NFATC1: variants seen among roughly 807,000 people sequenced by gnomAD.
NFATC1 encodes nuclear factor of activated T-cells, cytoplasmic 1.
In NFATC1, 22 loss-of-function variants were observed where a neutral mutation model predicts 76.0. That is an observed-to-expected ratio of 0.29 (90% confidence interval 0.21 to 0.41). The LOEUF (loss-of-function observed/expected upper bound fraction) is 0.41. Among genes scored for constraint, NFATC1 ranks in the 10% least tolerant of loss-of-function variants. The probability of loss-of-function intolerance (pLI) is 1.00; values close to 1 mark genes in which losing one functional copy is unlikely to be tolerated. For synonymous variants in NFATC1, 704 were observed against 613.1 expected (o/e 1.15, Z -2.19); for missense variants, 1,357 against 1,337.7 (o/e 1.01, Z -0.23).
At chr18:79,526,656 T>A (rs904915407) in intron 9 of NFATC1, among the ~76,000 whole-genome samples, 1 of 152,240 alleles carries the variant, frequency 6.6e-6, no homozygotes, top group Non-Finnish European at 1.5e-5. Context: ...ATGACACAAT[T>A]CCTGGTTCTC....
rs915817941 is a variant in NFATC1 at position 79,488,078 on chromosome 18, A to AG, written c.2782+1148dup. 4.6e-3 allele frequency among the ~76,000 whole-genome samples: 588 copies of AG among 126,516 alleles called. 18 individuals carry two copies. The highest frequency in any genetic ancestry group is 5.6e-4 in the Non-Finnish European group (38 of 67,710). The allele number at this position is 126,516 out of a possible 152,430, so 83.0% of individuals were successfully genotyped here. A position where few individuals can be genotyped will look rare whatever the true frequency, so the allele number is the denominator to read the frequency against. The stretch of plus-strand genomic sequence containing the variant: ...GGGCGGCATTAGCCCCTCCTGACCC[A>AG]GGGGGGGCAGGGACTCCCGGGCGTC... On this transcript the variant is annotated intron_variant, in intron 9 of 9. Coordinates refer to ENST00000427363, the MANE Select transcript of NFATC1 (RefSeq NM_001278669.2).
At chr18:79,493,281 C>G (rs932291606) in intron 9 of NFATC1, 10 of 152,260 alleles carry the variant, frequency 6.6e-5, no homozygotes, top group African/African-American at 2.4e-4. Context: ...GCCACGCGCT[C>G]GCGCGCTGAG....
At position 79,410,987 on chromosome 18, in the gene NFATC1, C is replaced by T. The variant is rs781729756; in HGVS notation, c.712C>T (p.Pro238Ser). 6 of 1,606,554 alleles carry T rather than the reference C, an allele frequency of 3.7e-6. No individual in the cohort carries two copies. The highest frequency in any genetic ancestry group is 3.3e-4 in the Middle Eastern group (2 of 6,054). Residue 238 changes from proline to serine, a missense_variant, in exon 2 of 10, where the codon CCC (proline) becomes TCC (serine). This residue lies in a region of NFATC1 where 691 missense variants were observed against 613.1 expected (regional missense o/e 1.13). Transcript: ENST00000427363. The surrounding 1 kb of genome is among the most constrained non-coding windows in gnomAD (Gnocchi z 6.7). Reference protein sequence around the residue: ...CTLLGSPRHSPSTSPRASVTE... With the variant: ...CTLLGSPRHSSSTSPRASVTE... ...ACTGCTGGGTTCCCCGCGGCACTCC[C>T]CCTCCACCTCGCCCCGCGCCAGCGT...
chr18:79,419,880 C>T (rs1486994864), intron 2 of NFATC1, among the ~76,000 whole-genome samples: 1 of 152,236 alleles, frequency 6.6e-6, no homozygotes, highest in Non-Finnish European at 1.5e-5. Context: ...TATTCACATT[C>T]AAAACCAGAT....
At chr18:79,473,898 C>T (rs1174140153) in intron 8 of NFATC1, among the ~76,000 whole-genome samples, 15 of 143,786 alleles carry the variant, frequency 1.0e-4, no homozygotes, top group South Asian at 6.8e-4. Context: ...CACTCACTGT[C>T]GACGTTGTGA....
intron 9 of NFATC1, among the ~76,000 whole-genome samples, chr18:79,515,031 G>A (rs1472613280): frequency 6.6e-6 from 1 of 151,838 alleles, no homozygotes; most frequent in Non-Finnish European, 1.5e-5. Flanking sequence ...GCAACAGACA[G>A]AGCAAGACGC....
At chr18:79,414,313 G>C (rs966563996) in intron 2 of NFATC1, among the ~76,000 whole-genome samples, 1 of 152,158 alleles carries the variant, frequency 6.6e-6, no homozygotes, top group South Asian at 2.1e-4. Context: ...GAGAATGCAC[G>C]ACATGCCCAT....
intron 9 of NFATC1, chr18:79,527,153 C>T (rs1219058795): frequency 5.4e-6 from 1 of 184,804 alleles, no homozygotes; most frequent in Non-Finnish European, 1.1e-5. Flanking sequence ...GAGGGAGGCT[C>T]AGGCGACACT....
chr18:79,515,338 CAAA>C lies in NFATC1; in HGVS notation c.2783-12172_2783-12170del, dbSNP rs75194540. Among the ~76,000 whole-genome samples the C allele has an allele frequency of 9.5e-4, 60 of 63,472 alleles. No individual in the cohort carries two copies. In the East Asian group the frequency reaches 0.013, roughly 13 times the overall value. 41.6% of individuals were successfully genotyped at this position (63,472 alleles called of 152,430 possible). On this transcript the variant is annotated intron_variant, in intron 9 of 9. Transcript: ENST00000427363. ...TGGGTGACAGAGCAAGACTCCATCTCAAAAAAAAAAAAAAAAAAAAGAAGGAAG... is the reference window on the plus strand; with the variant it reads ...TGGGTGACAGAGCAAGACTCCATCTCAAAAAAAAAAAAAAAAAGAAGGAAG...
chr18:79,457,814 C>A (rs918134458), intron 6 of NFATC1, among the ~76,000 whole-genome samples: 1 of 152,186 alleles, frequency 6.6e-6, no homozygotes, highest in Non-Finnish European at 1.5e-5. Flanking sequence ...CCCCATCCTG[C>A]CGGCTGTGGT....
At chr18:79,458,791 T>C (rs1008604667) in intron 6 of NFATC1, among the ~76,000 whole-genome samples, 7 of 152,242 alleles carry the variant, frequency 4.6e-5, no homozygotes, top group African/African-American at 1.7e-4. Flanking sequence ...ATGGCGATGC[T>C]CTTGCCGGCG....
chr18:79,459,522 G>T (rs2087942426), intron 6 of NFATC1, among the ~76,000 whole-genome samples: 1 of 152,150 alleles, frequency 6.6e-6, no homozygotes, highest in Non-Finnish European at 1.5e-5. Context: ...GTGCGCCTCA[G>T]TGTCCCTCCT....
intron 9 of NFATC1, among the ~76,000 whole-genome samples, chr18:79,502,897 G>A (rs781239759): frequency 2.0e-5 from 3 of 152,116 alleles, no homozygotes; most frequent in Non-Finnish European, 4.4e-5. Flanking sequence ...ATTACATTCC[G>A]GCCACTTAGG....
At chr18:79,519,306 C>G (rs2090457933) in intron 9 of NFATC1, among the ~76,000 whole-genome samples, 1 of 152,186 alleles carries the variant, frequency 6.6e-6, no homozygotes, top group South Asian at 2.1e-4. Context: ...TCCTGGAAAA[C>G]AGGAGATCAG....
At chr18:79,520,601 CTGTG>C (rs1181753972) in intron 9 of NFATC1, among the ~76,000 whole-genome samples, 2 of 102,690 alleles carry the variant, frequency 1.9e-5, no homozygotes, top group African/African-American at 7.9e-5. Flanking sequence ...ATGTGTGTGT[CTGTG>C]TGTGTGTGGG....
intron 9 of NFATC1, among the ~76,000 whole-genome samples, chr18:79,514,586 A>C (rs916079574): frequency 5.0e-4 from 76 of 150,942 alleles, no homozygotes; most frequent in African/African-American, 1.7e-3. Context: ...AAAAAAAAAA[A>C]AAAAACCAAT....
chr18:79,511,154 C>T (rs990601163), intron 9 of NFATC1, among the ~76,000 whole-genome samples: 2 of 152,252 alleles, frequency 1.3e-5, no homozygotes, highest in Non-Finnish European at 2.9e-5. Flanking sequence ...CCGTGGCACC[C>T]GGCTCGCTGT....
intron 3 of NFATC1, 29 bp downstream of exon 3, chr18:79,433,767 A>G: frequency 1.9e-6 from 3 of 1,597,634 alleles, no homozygotes; most frequent in Non-Finnish European, 2.6e-6. Flanking sequence ...CTCGCACGTC[A>G]CTTGGTGCTT....
At chr18:79,456,645 T>G (rs907219948) in intron 6 of NFATC1, among the ~76,000 whole-genome samples, 5 of 152,220 alleles carry the variant, frequency 3.3e-5, no homozygotes, top group Non-Finnish European at 5.9e-5. Flanking sequence ...CTTTCGGCCC[T>G]TGCTGTCCCT....
Sources: gnomAD v4.1 joint callset for allele counts (sites outside exome capture counted in the v4.1 genomes callset) on GRCh38, gnomAD v4.1.1 for gene constraint, gnomAD v4.1.1 regional missense constraint, Gnocchi (gnomAD v3.1) non-coding constraint, MANE v1.5 for transcripts, NCBI Gene and HGNC (gene_info 2026-07-23, HGNC 2026-07-21) for gene names.